Variants in CSGALNACT1 observed in about 807,000 individuals in gnomAD.
CSGALNACT1 encodes the protein beta4GalNAcT-1.
In CSGALNACT1, 52 loss-of-function variants were observed where a neutral mutation model predicts 51.0. The observed-to-expected ratio is 1.02, with a 90% confidence interval of 0.82 to 1.29. The LOEUF is 1.29. Ranked by LOEUF, CSGALNACT1 falls within the 50% of genes most tolerant of loss-of-function variation. The pLI, the probability that CSGALNACT1 is intolerant of heterozygous loss-of-function variation, is 0.00. For missense variants in CSGALNACT1, 935 were observed against 679.2 expected (o/e 1.38, Z -4.19); for synonymous variants, 341 against 254.4 (o/e 1.34, Z -3.24).
intron 3 of CSGALNACT1, among the ~76,000 whole-genome samples, chr8:19,582,685 G>T (rs1461106667): frequency 6.6e-6 from 1 of 152,102 alleles, no homozygotes; most frequent in Non-Finnish European, 1.5e-5. Context: ...CTTAAATTTA[G>T]AGATGCTACA....
At chr8:19,522,412 T>G (rs190757873) in intron 3 of CSGALNACT1, among the ~76,000 whole-genome samples, 1 of 152,330 alleles carries the variant, frequency 6.6e-6, no homozygotes, top group Admixed American at 6.5e-5. Flanking sequence ...ATCCATTTAT[T>G]TTAAGAAAAG....
chr8:19,746,893 T>C (rs1054717482), intron 1 of CSGALNACT1, among the ~76,000 whole-genome samples: 17 of 152,202 alleles, frequency 1.1e-4, no homozygotes, highest in African/African-American at 4.1e-4. Context: ...GGGCGATACT[T>C]GGTGGTTTCA....
At position 19,405,684 on chromosome 8, in the gene CSGALNACT1, T is replaced by C. The variant is rs562164666; in HGVS notation, c.*96A>G. On this transcript the variant is annotated 3_prime_UTR_variant, in exon 10 of 10. Coordinates refer to ENST00000454498, the Ensembl canonical transcript of CSGALNACT1. Reference sequence around the variant, plus strand: ...TCTCTGACCCATCAGTCCAATTCTTTTGTCGTCCTTTATGGAAGTCTTTTC... The same window carrying C: ...TCTCTGACCCATCAGTCCAATTCTTCTGTCGTCCTTTATGGAAGTCTTTTC... 29 of 1,495,126 alleles carry C rather than the reference T, an allele frequency of 1.9e-5. No homozygotes were observed. The South Asian group carries it at 3.2e-4, about 16-fold the overall frequency. 92.6% of individuals were successfully genotyped at this position (1,495,126 alleles called of 1,614,324 possible).
At chr8:19,541,553 ATTTTTTTT>A (rs1159626193) in intron 3 of CSGALNACT1, among the ~76,000 whole-genome samples, 3 of 70,096 alleles carry the variant, frequency 4.3e-5, no homozygotes, top group African/African-American at 2.0e-4. Context: ...TGCTCAGCCA[ATTTTTTTT>A]TTTTTTTTTT....
At chr8:19,434,294 C>A (rs927579318) in intron 6 of CSGALNACT1, among the ~76,000 whole-genome samples, 1 of 151,968 alleles carries the variant, frequency 6.6e-6, no homozygotes, top group Admixed American at 6.6e-5. Context: ...ATATATTTTC[C>A]CCACATTTTT....
At chr8:19,563,870 C>T (rs374871396) in intron 3 of CSGALNACT1, among the ~76,000 whole-genome samples, 1 of 152,264 alleles carries the variant, frequency 6.6e-6, no homozygotes, top group South Asian at 2.1e-4. Context: ...GCCCCTCCCC[C>T]AGGCATGTCC....
At position 19,757,782 on chromosome 8, in the gene CSGALNACT1, C is replaced by T. The variant is rs1265411671; in HGVS notation, c.-297+68G>A. 3 of 152,406 alleles carry T rather than the reference C, an allele frequency of 2.0e-5. No individual in the cohort carries two copies. Among genetic ancestry groups the T allele is most frequent in the Admixed American group, 2.0e-4 (3 of 15,278 alleles). The allele number at this position is 152,406 out of a possible 1,614,324, so 9.4% of individuals were successfully genotyped here. ...TTTGTAAATCGCACTTCGGGGAATT[C>T]ACGCTTTAGTCGCGGTCTCTGCTGC... On this transcript the variant is annotated intron_variant, in intron 1 of 1. Transcript: ENST00000517494. This position sits in a 1 kb window ranked among gnomAD's most constrained non-coding sequence, Gnocchi z 4.0.
intron 3 of CSGALNACT1, among the ~76,000 whole-genome samples, chr8:19,544,145 C>T (rs1297887464): frequency 6.6e-6 from 1 of 151,290 alleles, no homozygotes; most frequent in African/African-American, 2.4e-5. Context: ...TTGGTGACCA[C>T]AAGGACATGG....
chr8:19,698,462 TTG>T (rs2061690845), intron 1 of CSGALNACT1, among the ~76,000 whole-genome samples: 1 of 152,182 alleles, frequency 6.6e-6, no homozygotes, highest in African/African-American at 2.4e-5. Flanking sequence ...CCCATAACAA[TTG>T]TTTTTTACAG....
At chr8:19,543,886 G>A (rs189119185) in intron 3 of CSGALNACT1, among the ~76,000 whole-genome samples, 2 of 152,200 alleles carry the variant, frequency 1.3e-5, no homozygotes, top group Admixed American at 6.5e-5. Flanking sequence ...AACAAAATAC[G>A]ACCTTTTACC....
intron 1 of CSGALNACT1, among the ~76,000 whole-genome samples, chr8:19,660,188 A>T (rs28654443): frequency 0.011 from 1,731 of 152,316 alleles, 35 homozygotes; most frequent in African/African-American, 0.039. Flanking sequence ...AGGGCATTCT[A>T]TATTATTCCA....
chr8:19,604,489 G>A (rs1019714954), upstream of CSGALNACT1, among the ~76,000 whole-genome samples: 3 of 152,156 alleles, frequency 2.0e-5, no homozygotes, highest in Non-Finnish European at 4.4e-5. Flanking sequence ...CTCATACGTG[G>A]TGAAGTCAGG....
intron 3 of CSGALNACT1, among the ~76,000 whole-genome samples, chr8:19,589,261 C>A (rs959898334): frequency 2.6e-5 from 4 of 152,198 alleles, no homozygotes; most frequent in Admixed American, 1.3e-4. Flanking sequence ...AAGCAGGCAG[C>A]TTCTAGTTAT....
chr8:19,631,983 G>A (rs543848060), intron 1 of CSGALNACT1, among the ~76,000 whole-genome samples: 2 of 152,302 alleles, frequency 1.3e-5, no homozygotes, highest in African/African-American at 2.4e-5. Context: ...GCTTTTTGCT[G>A]TAGGTTATTA....
chr8:19,726,638 AT>A (rs1456786351), intron 1 of CSGALNACT1, among the ~76,000 whole-genome samples: 3 of 152,240 alleles, frequency 2.0e-5, no homozygotes, highest in African/African-American at 7.2e-5. Flanking sequence ...ATACACTATT[AT>A]TAACTATAGT....
At chr8:19,590,118 G>A (rs942476022) in intron 3 of CSGALNACT1, among the ~76,000 whole-genome samples, 14 of 152,310 alleles carry the variant, frequency 9.2e-5, no homozygotes, top group Admixed American at 8.5e-4. Context: ...TGGTGACGTT[G>A]TCATCTCTCT....
chr8:19,521,836 G>T (rs779851717), intron 3 of CSGALNACT1, among the ~76,000 whole-genome samples: 3 of 152,188 alleles, frequency 2.0e-5, no homozygotes, highest in Non-Finnish European at 4.4e-5. Flanking sequence ...TAAGAGAGGG[G>T]GACTTTGAAA....
chr8:19,479,762 GA>G lies in CSGALNACT1; in HGVS notation c.635-21121del, dbSNP rs559544868. On this transcript the variant is annotated intron_variant, in intron 4 of 9. Transcript: ENST00000454498. The stretch of plus-strand genomic sequence containing the variant: ...AGGAAAAGCCGTATTTCTTGACTTA[GA>G]AAAAAAAAAAAAAAAAGATTCCTCT... 9.0e-3 allele frequency among the ~76,000 whole-genome samples: 789 copies of G among 87,920 alleles called. 23 individuals are homozygous for G. The highest frequency in any genetic ancestry group is 0.031 in the African/African-American group (690 of 22,106). The allele number at this position is 87,920 out of a possible 152,430, so 57.7% of individuals were successfully genotyped here. A position where few individuals can be genotyped will look rare whatever the true frequency, so the allele number is the denominator to read the frequency against.
chr8:19,667,230 G>A lies in CSGALNACT1; in HGVS notation c.-544+15243C>T, dbSNP rs2059451072. Among the ~76,000 whole-genome samples the A allele has an allele frequency of 2.0e-5, 3 of 147,412 alleles. No homozygotes were observed. In the South Asian group the frequency reaches 6.4e-4, roughly 31 times the overall value. The stretch of plus-strand genomic sequence containing the variant: ...GAGCTCTGGAGTTTGAGACCAGCCT[G>A]CCAAACATGGCGAAACCCCATCTCT... On this transcript the variant is annotated intron_variant, in intron 1 of 9. Coordinates refer to the CSGALNACT1 transcript ENST00000332246.
Sources: gnomAD v4.1 joint callset for allele counts (sites outside exome capture counted in the v4.1 genomes callset) on GRCh38, gnomAD v4.1.1 for gene constraint, Gnocchi (gnomAD v3.1) non-coding constraint, MANE v1.5 for transcripts, NCBI Gene and HGNC (gene_info 2026-07-23, HGNC 2026-07-21) for gene names.